MAML2: variants seen among roughly 807,000 people sequenced by gnomAD.
The protein encoded by MAML2 is mastermind like transcriptional coactivator 2, also known as mastermind-like protein 2.
A neutral mutation model predicts 96.1 loss-of-function variants in MAML2; 22 were observed. The observed-to-expected ratio is 0.23, with a 90% CI of 0.16 to 0.33. MAML2 has a LOEUF of 0.33. Ranked by LOEUF, MAML2 falls within the 10% of genes least tolerant of loss-of-function variation. The pLI, the probability that MAML2 is intolerant of heterozygous loss-of-function variation, is 1.00. For synonymous variants in MAML2, 561 were observed against 521.3 expected, an observed-to-expected ratio of 1.08 and a Z score of -1.04; for missense variants, 1,367 against 1,392.4, an observed-to-expected ratio of 0.98 and a Z score of 0.29.
At chr11:96,308,558 A>T (rs1019835802) in intron 1 of MAML2, among the ~76,000 whole-genome samples, 1 of 152,226 alleles carries the variant, frequency 6.6e-6, no homozygotes, top group Admixed American at 6.5e-5. Flanking sequence ...AATTTTTATC[A>T]GTAAGAAACC....
intron 1 of MAML2, among the ~76,000 whole-genome samples, chr11:96,290,874 C>A (rs1365623027): frequency 6.6e-6 from 1 of 152,110 alleles, no homozygotes; most frequent in South Asian, 2.1e-4. Flanking sequence ...ATGCTATGTG[C>A]CATAGTCTTT....
At chr11:96,137,054 T>C (rs10501844) in intron 1 of MAML2, among the ~76,000 whole-genome samples, 43,368 of 151,976 alleles carry the variant, frequency 0.29, 6,675 homozygotes, top group African/African-American at 0.4. Flanking sequence ...CTACAACAAT[T>C]CTCTTTCAGT....
intron 1 of MAML2, among the ~76,000 whole-genome samples, chr11:96,228,157 C>G (rs188582439): frequency 6.6e-6 from 1 of 152,140 alleles, no homozygotes; most frequent in Non-Finnish European, 1.5e-5. Context: ...AGAGAAAGTA[C>G]TGATTGAGTC....
chr11:96,233,247 A>C (rs1862320981), intron 1 of MAML2, among the ~76,000 whole-genome samples: 1 of 152,196 alleles, frequency 6.6e-6, no homozygotes, highest in Admixed American at 6.5e-5. Flanking sequence ...GGCTTTACTA[A>C]ATAATTCCTA....
chr11:96,326,808 A>G (rs1863792478), intron 1 of MAML2, among the ~76,000 whole-genome samples: 7 of 152,184 alleles, frequency 4.6e-5, no homozygotes, highest in Middle Eastern at 6.8e-3. Flanking sequence ...AAAAAAAACT[A>G]TCTTGAGTTT....
intron 1 of MAML2, among the ~76,000 whole-genome samples, chr11:96,258,975 A>G (rs1019439534): frequency 1.3e-5 from 2 of 152,150 alleles, no homozygotes; most frequent in Non-Finnish European, 1.5e-5. Context: ...GCCAAATGGC[A>G]TTTTTTGTAG....
At chr11:96,178,649 T>C (rs1861432180) in intron 1 of MAML2, among the ~76,000 whole-genome samples, 1 of 152,222 alleles carries the variant, frequency 6.6e-6, no homozygotes, top group Non-Finnish European at 1.5e-5. Context: ...AAAAGCCAGC[T>C]TTAATCAAGC....
rs763471265 is a variant in MAML2 at position 95,985,507 on chromosome 11, T to G, written c.2455+24A>C. The G allele has an allele frequency of 2.1e-6, 3 of 1,407,762 alleles. No homozygotes were observed. The Admixed American group carries it at 6.0e-5, about 28-fold the overall frequency. The allele number at this position is 1,407,762 out of a possible 1,614,324, so 87.2% of individuals were successfully genotyped here. A position where few individuals can be genotyped will look rare whatever the true frequency, so the allele number is the denominator to read the frequency against. ...TTTTTTCCTTTCACAGCTATAATTTTTATTAATTTTTAAGAACACTTACCA... is the reference window on the plus strand; with the variant it reads ...TTTTTTCCTTTCACAGCTATAATTTGTATTAATTTTTAAGAACACTTACCA... On this transcript the variant is annotated intron_variant, in intron 4 of 4. Transcript: ENST00000524717.
chr11:96,217,877 G>A (rs370578157), intron 1 of MAML2, among the ~76,000 whole-genome samples: 16 of 152,116 alleles, frequency 1.1e-4, no homozygotes, highest in African/African-American at 2.7e-4. Flanking sequence ...GGAAGATTAC[G>A]ACAATTTTAG....
intron 1 of MAML2, among the ~76,000 whole-genome samples, chr11:96,109,375 A>G (rs1860081153): frequency 1.3e-5 from 2 of 152,208 alleles, no homozygotes; most frequent in Admixed American, 6.5e-5. Flanking sequence ...ACATGTCAGT[A>G]ATGTATTTTG....
chr11:96,084,575 T>A (rs1859578231), intron 2 of MAML2, among the ~76,000 whole-genome samples: 1 of 152,216 alleles, frequency 6.6e-6, no homozygotes, highest in Admixed American at 6.5e-5. Context: ...AGCGGCTACA[T>A]GTCCCCACCC....
intron 1 of MAML2, among the ~76,000 whole-genome samples, chr11:96,334,833 T>C (rs1863897173): frequency 1.3e-5 from 2 of 152,266 alleles, no homozygotes; most frequent in African/African-American, 4.8e-5. Context: ...TATTGCCATT[T>C]GCCCATTTTC....
At chr11:96,310,515 A>G (rs1214826657) in intron 1 of MAML2, among the ~76,000 whole-genome samples, 1 of 152,238 alleles carries the variant, frequency 6.6e-6, no homozygotes, top group Non-Finnish European at 1.5e-5. Context: ...TAAAAGAAAG[A>G]TACACATTCT....
intron 1 of MAML2, among the ~76,000 whole-genome samples, chr11:96,309,073 G>A (rs1863503155): frequency 6.6e-6 from 1 of 152,184 alleles, no homozygotes; most frequent in South Asian, 2.1e-4. Flanking sequence ...GAGAAAGGAA[G>A]AAAACTAAGT....
chr11:96,120,102 C>T (rs927195838), intron 1 of MAML2, among the ~76,000 whole-genome samples: 2 of 151,984 alleles, frequency 1.3e-5, no homozygotes, highest in Non-Finnish European at 2.9e-5. Flanking sequence ...GGACTACAGG[C>T]GCCTGCCAGC....
chr11:96,219,558 T>C (rs1212856139), intron 1 of MAML2, among the ~76,000 whole-genome samples: 1 of 152,164 alleles, frequency 6.6e-6, no homozygotes, highest in African/African-American at 2.4e-5. Context: ...CCAATTTTGG[T>C]TTCCAATGCT....
chr11:96,190,147 T>C (rs1861632687), intron 1 of MAML2, among the ~76,000 whole-genome samples: 2 of 152,196 alleles, frequency 1.3e-5, no homozygotes, highest in South Asian at 2.1e-4. Flanking sequence ...AATATCCTAG[T>C]ATACAAAATG....
intron 1 of MAML2, among the ~76,000 whole-genome samples, chr11:96,308,300 A>T (rs958278100): frequency 2.6e-5 from 4 of 152,200 alleles, no homozygotes; most frequent in African/African-American, 9.7e-5. Context: ...AAATCCAGTG[A>T]TTTACTAAAC....
chr11:96,056,878 T>C (rs1859078816), intron 2 of MAML2, among the ~76,000 whole-genome samples: 1 of 152,338 alleles, frequency 6.6e-6, no homozygotes, highest in South Asian at 2.1e-4. Flanking sequence ...ACAAGCCATT[T>C]TGACTGCAAA....
Sources: gnomAD v4.1 joint callset for allele counts (sites outside exome capture counted in the v4.1 genomes callset) on GRCh38, gnomAD v4.1.1 for gene constraint, MANE v1.5 for transcripts, NCBI Gene and HGNC (gene_info 2026-07-23, HGNC 2026-07-21) for gene names.